Variants in TEAD1 observed in about 807,000 individuals in gnomAD.
TEAD1 encodes the protein TEA domain transcription factor 1.
A neutral mutation model predicts 54.9 loss-of-function variants in TEAD1; 9 were observed. The observed-to-expected ratio is 0.16, with a 90% CI of 0.10 to 0.29. TEAD1 has a LOEUF of 0.29. Among genes scored for constraint, TEAD1 ranks in the 10% least tolerant of loss-of-function variants. The probability of loss-of-function intolerance (pLI) is 1.00; values close to 1 mark genes in which losing one functional copy is unlikely to be tolerated. For synonymous variants in TEAD1, 200 were observed against 187.8 expected, an observed-to-expected ratio of 1.07 and a Z score of -0.53; for missense variants, 387 against 535.9, an observed-to-expected ratio of 0.72 and a Z score of 2.74.
At chr11:12,717,290 A>G (rs908637048) in intron 2 of TEAD1, among the ~76,000 whole-genome samples, 7 of 152,156 alleles carry the variant, frequency 4.6e-5, no homozygotes, top group African/African-American at 1.7e-4. Flanking sequence ...GAAAGGATCA[A>G]TTGGATTTGA....
At chr11:12,702,913 G>T (rs879531355) in intron 2 of TEAD1, among the ~76,000 whole-genome samples, 1 of 152,184 alleles carries the variant, frequency 6.6e-6, no homozygotes, top group South Asian at 2.1e-4. Flanking sequence ...GAAGGAGGTA[G>T]TAATATCAGC....
At chr11:12,699,179 T>C (rs2133835731) in intron 2 of TEAD1, among the ~76,000 whole-genome samples, 1 of 152,338 alleles carries the variant, frequency 6.6e-6, no homozygotes, top group African/African-American at 2.4e-5. Context: ...CCATTTATTT[T>C]TTTTCATTGG....
intron 2 of TEAD1, among the ~76,000 whole-genome samples, chr11:12,741,747 C>G (rs60418594): frequency 1.8e-3 from 272 of 152,174 alleles, no homozygotes; most frequent in African/African-American, 6.1e-3. Context: ...GTCTTTTTTC[C>G]CCCTGCCTTG....
chr11:12,897,424 T>G (rs1032472780), intron 9 of TEAD1, among the ~76,000 whole-genome samples: 1 of 152,236 alleles, frequency 6.6e-6, no homozygotes, highest in African/African-American at 2.4e-5. Flanking sequence ...CTTCTGGATT[T>G]GGGGACAGAG....
chr11:12,706,781 G>A (rs542694134), intron 2 of TEAD1, among the ~76,000 whole-genome samples: 83 of 152,322 alleles, frequency 5.4e-4, no homozygotes, highest in African/African-American at 1.9e-3. Flanking sequence ...CGGTTCATGA[G>A]CGTTCCAAGC....
chr11:12,735,922 A>G (rs1944522023), intron 2 of TEAD1, among the ~76,000 whole-genome samples: 1 of 152,188 alleles, frequency 6.6e-6, no homozygotes, highest in South Asian at 2.1e-4. Flanking sequence ...TTTATGACAC[A>G]CAACTAAATT....
intron 3 of TEAD1, among the ~76,000 whole-genome samples, chr11:12,859,309 G>GATTTTT (rs1564966590): frequency 6.6e-6 from 1 of 152,194 alleles, no homozygotes; most frequent in African/African-American, 2.4e-5. Context: ...CAAGTTTGAG[G>GATTTTT]GTAGGAGACA....
At chr11:12,726,274 T>C (rs1025493659) in intron 2 of TEAD1, among the ~76,000 whole-genome samples, 2 of 152,166 alleles carry the variant, frequency 1.3e-5, no homozygotes, top group African/African-American at 4.8e-5. Context: ...TGTTGCTGAA[T>C]GTCATTCTAA....
intron 3 of TEAD1, among the ~76,000 whole-genome samples, chr11:12,779,808 A>G (rs1022182651): frequency 3.9e-5 from 6 of 152,220 alleles, no homozygotes; most frequent in Non-Finnish European, 8.8e-5. Flanking sequence ...CACCATATCA[A>G]TAGAGTGAAG....
intron 2 of TEAD1, among the ~76,000 whole-genome samples, chr11:12,701,986 A>G (rs974018173): frequency 3.3e-5 from 5 of 152,156 alleles, no homozygotes; most frequent in Non-Finnish European, 5.9e-5. Flanking sequence ...CTGCCACAGC[A>G]CTCGCAGGCT....
chr11:12,936,650 A>G (rs1045533850), intron 12 of TEAD1, among the ~76,000 whole-genome samples: 1 of 152,212 alleles, frequency 6.6e-6, no homozygotes, highest in Admixed American at 6.5e-5. Context: ...CTATCATCAC[A>G]TTGTAGCCCA....
At chr11:12,683,207 C>G (rs192545046) in intron 2 of TEAD1, among the ~76,000 whole-genome samples, 1 of 152,270 alleles carries the variant, frequency 6.6e-6, no homozygotes, top group East Asian at 1.9e-4. Context: ...AATAATATTT[C>G]TAAGTGATAA....
intron 3 of TEAD1, among the ~76,000 whole-genome samples, chr11:12,838,764 C>T (rs572912295): frequency 3.9e-5 from 6 of 152,244 alleles, no homozygotes; most frequent in South Asian, 2.1e-4. Flanking sequence ...TTTTCTAGAG[C>T]CAAACATTTC....
At chr11:12,821,350 A>C (rs1402213926) in intron 3 of TEAD1, among the ~76,000 whole-genome samples, 2 of 152,198 alleles carry the variant, frequency 1.3e-5, no homozygotes, top group African/African-American at 2.4e-5. Context: ...TTCTCCTCCC[A>C]AAACCTTTCT....
intron 3 of TEAD1, among the ~76,000 whole-genome samples, chr11:12,830,105 G>A (rs1946741817): frequency 6.6e-6 from 1 of 152,156 alleles, no homozygotes; most frequent in African/African-American, 2.4e-5. Context: ...AAGCCCCCGA[G>A]CCATTGGGAA....
intron 5 of TEAD1, among the ~76,000 whole-genome samples, chr11:12,866,407 G>A (rs1308794491): frequency 2.6e-5 from 4 of 152,158 alleles, no homozygotes; most frequent in Non-Finnish European, 5.9e-5. Flanking sequence ...CCCTATAAGT[G>A]AGGAATAAAG....
intron 10 of TEAD1, among the ~76,000 whole-genome samples, chr11:12,920,665 C>T (rs1009477130): frequency 6.6e-6 from 1 of 152,202 alleles, no homozygotes; most frequent in Non-Finnish European, 1.5e-5. Context: ...ATTTACTAGT[C>T]TTTCAGAACA....
At chr11:12,855,907 C>T (rs1947366168) in intron 3 of TEAD1, among the ~76,000 whole-genome samples, 1 of 150,648 alleles carries the variant, frequency 6.6e-6, no homozygotes. Context: ...ATGATCATGC[C>T]ACTGCACTCC....
At chr11:12,763,479 A>G (rs1448194007) in intron 2 of TEAD1, among the ~76,000 whole-genome samples, 1 of 152,214 alleles carries the variant, frequency 6.6e-6, no homozygotes, top group African/African-American at 2.4e-5. Flanking sequence ...ACCTGATTCT[A>G]CAGGGTAAAA....
Sources: allele counts gnomAD v4.1 joint callset (sites outside exome capture counted in the v4.1 genomes callset), GRCh38; gene constraint gnomAD v4.1.1; transcripts MANE v1.5; gene names NCBI Gene and HGNC (gene_info 2026-07-23, HGNC 2026-07-21).